Variants in MEI4 observed in about 807,000 individuals in gnomAD.
MEI4 encodes meiosis-specific protein MEI4.
Under a neutral mutation model 31.4 loss-of-function variants are expected in MEI4, and 27 were observed. That is an observed-to-expected ratio of 0.86 (90% CI 0.63 to 1.19). The LOEUF (loss-of-function observed/expected upper bound fraction) is 1.19. Ranked by LOEUF, MEI4 falls within the 50% of genes most tolerant of loss-of-function variation. The pLI, the probability that MEI4 is intolerant of heterozygous loss-of-function variation, is 0.00. For synonymous variants in MEI4, 122 were observed against 145.4 expected, an observed-to-expected ratio of 0.84 and a Z score of 1.16; for missense variants, 329 against 398.9, an observed-to-expected ratio of 0.82 and a Z score of 1.49.
chr6:77,923,071 T>C lies in MEI4; in HGVS notation c.901-18T>C. 8.1e-7 allele frequency: 1 copy of C among 1,227,474 alleles called. No individual in the cohort carries two copies. The highest frequency in any genetic ancestry group is 1.0e-6 in the Non-Finnish European group (1 of 984,278). 76.0% of individuals were successfully genotyped at this position (1,227,474 alleles called of 1,614,324 possible). On this transcript the variant is annotated intron_variant, in intron 4 of 4. Coordinates refer to ENST00000684080, the MANE Select transcript of MEI4 (RefSeq NM_001322247.2). ...ATTTATACCCAATTTTTTAAAGGAGTTTGTTGTTTATTTGTAGGAGCAAGC... is the reference window on the plus strand; with the variant it reads ...ATTTATACCCAATTTTTTAAAGGAGCTTGTTGTTTATTTGTAGGAGCAAGC...
At chr6:77,735,694 G>A (rs904144265) in intron 2 of MEI4, among the ~76,000 whole-genome samples, 1 of 152,096 alleles carries the variant, frequency 6.6e-6, no homozygotes, top group Non-Finnish European at 1.5e-5. Flanking sequence ...CGTTCCTTTG[G>A]AGGAGGAGAG....
At chr6:77,706,640 G>A (rs1327687797) in intron 2 of MEI4, among the ~76,000 whole-genome samples, 1 of 152,164 alleles carries the variant, frequency 6.6e-6, no homozygotes, top group African/African-American at 2.4e-5. Flanking sequence ...GGTGGGCCTA[G>A]TGGTAGATAT....
At chr6:77,670,754 T>A (rs1341859681) in intron 1 of MEI4, among the ~76,000 whole-genome samples, 6 of 152,128 alleles carry the variant, frequency 3.9e-5, no homozygotes, top group African/African-American at 1.4e-4. Flanking sequence ...TTGCAAACAA[T>A]CCCTTACCTT....
chr6:77,883,842 G>A (rs1771559994), intron 4 of MEI4, among the ~76,000 whole-genome samples: 1 of 150,014 alleles, frequency 6.7e-6, no homozygotes, highest in Admixed American at 6.7e-5. Flanking sequence ...GGGGGTGCAT[G>A]TGTACATTTG....
At chr6:77,791,695 A>T (rs774695765) in intron 3 of MEI4, among the ~76,000 whole-genome samples, 5 of 150,872 alleles carry the variant, frequency 3.3e-5, no homozygotes, top group Admixed American at 6.6e-5. Flanking sequence ...AAAAAAAAGA[A>T]ATATCTGTAC....
intron 1 of MEI4, among the ~76,000 whole-genome samples, chr6:77,686,074 G>C (rs1769048824): frequency 6.6e-6 from 1 of 152,024 alleles, no homozygotes; most frequent in African/African-American, 2.4e-5. Flanking sequence ...TCCCTTTCTT[G>C]CTTTTTCTTA....
At chr6:77,706,092 G>T (rs1766326694) in intron 2 of MEI4, among the ~76,000 whole-genome samples, 1 of 152,006 alleles carries the variant, frequency 6.6e-6, no homozygotes. Flanking sequence ...TCTCCCCAAG[G>T]CAGGCCATAG....
At chr6:77,870,967 G>A (rs1771176363) in intron 4 of MEI4, among the ~76,000 whole-genome samples, 1 of 152,138 alleles carries the variant, frequency 6.6e-6, no homozygotes, top group Non-Finnish European at 1.5e-5. Context: ...TTTTTTACAA[G>A]TGCCTGTGAA....
At chr6:77,920,707 T>A (rs1476483060) in intron 4 of MEI4, among the ~76,000 whole-genome samples, 1 of 151,884 alleles carries the variant, frequency 6.6e-6, no homozygotes, top group African/African-American at 2.4e-5. Context: ...TAAACAAAAA[T>A]TACTCTTGAG....
intron 1 of MEI4, among the ~76,000 whole-genome samples, chr6:77,671,508 A>C (rs191563913): frequency 5.9e-5 from 9 of 152,330 alleles, no homozygotes; most frequent in African/African-American, 1.7e-4. Flanking sequence ...ATGAAAAAAA[A>C]CCGAAGTTTA....
intron 2 of MEI4, among the ~76,000 whole-genome samples, chr6:77,702,746 T>C (rs1766251612): frequency 6.6e-6 from 1 of 152,212 alleles, no homozygotes; most frequent in Non-Finnish European, 1.5e-5. Flanking sequence ...TGGTGCTTAC[T>C]TATTTCTCCA....
At position 77,800,640 on chromosome 6, in the gene MEI4, G is replaced by C. The variant is rs535876354; in HGVS notation, c.769-28291G>C. On this transcript the variant is annotated intron_variant, in intron 3 of 4. Transcript: ENST00000684080. ...ATTGGCTGTGGGTTTCTCATAGATA[G>C]CTCTTATTATTTTGAGGTACGTCCC... is the stretch of plus-strand genomic sequence containing the variant. Among the ~76,000 whole-genome samples, 9 of 152,284 alleles carry C rather than the reference G, an allele frequency of 5.9e-5. No homozygotes were observed. In the East Asian group the frequency reaches 1.7e-3, roughly 29 times the overall value.
At chr6:77,875,263 T>C (rs1306235438) in intron 4 of MEI4, among the ~76,000 whole-genome samples, 4 of 152,240 alleles carry the variant, frequency 2.6e-5, no homozygotes, top group Admixed American at 2.6e-4. Context: ...TATCTATTTA[T>C]TTCCTATCTC....
rs370249374 is a variant in MEI4 at position 77,865,969 on chromosome 6, C to T, written c.900+36907C>T. Among the ~76,000 whole-genome samples, 102 of 151,926 alleles carry T rather than the reference C, an allele frequency of 6.7e-4. 2 individuals carry two copies. In the South Asian group the frequency reaches 0.011, roughly 16 times the overall value. On this transcript the variant is annotated intron_variant, in intron 4 of 4. Coordinates refer to ENST00000684080, the MANE Select transcript of MEI4 (RefSeq NM_001322247.2). ...TAATCCAGCATATAAACAGAACCAA[C>T]GACAAAAACCACATGATTATCTCAA...
rs930911857 is a variant in MEI4 at position 77,701,929 on chromosome 6, G to T, written c.232+11026G>T. Among the ~76,000 whole-genome samples the T allele has an allele frequency of 2.0e-5, 3 of 152,050 alleles. No homozygotes were observed. The East Asian group carries it at 5.8e-4, about 29-fold the overall frequency. Reference sequence around the variant, plus strand: ...AACCAACCCAGCCAGATGACTTTGGGAGCTTCCTGATCCTCTAGCTCACAT... The same window carrying T: ...AACCAACCCAGCCAGATGACTTTGGTAGCTTCCTGATCCTCTAGCTCACAT... On this transcript the variant is annotated intron_variant, in intron 2 of 4. Coordinates refer to ENST00000684080, the MANE Select transcript of MEI4 (RefSeq NM_001322247.2).
At chr6:77,909,088 A>C (rs1766369050) in intron 4 of MEI4, among the ~76,000 whole-genome samples, 1 of 152,146 alleles carries the variant, frequency 6.6e-6, no homozygotes, top group Non-Finnish European at 1.5e-5. Context: ...TCCAAAATTG[A>C]CCACATAGTT....
intron 2 of MEI4, among the ~76,000 whole-genome samples, chr6:77,726,357 T>TGAAAGAAG (rs1766820860): frequency 6.6e-6 from 1 of 151,688 alleles, no homozygotes; most frequent in African/African-American, 2.4e-5. Context: ...CTCTCTTGCT[T>TGAAAGAAG]TTCCCCACAG....
intron 2 of MEI4, among the ~76,000 whole-genome samples, chr6:77,720,440 A>G (rs1471952859): frequency 2.8e-5 from 2 of 71,258 alleles, no homozygotes; most frequent in Non-Finnish European, 5.3e-5. Flanking sequence ...CAGCAAAACA[A>G]GACAATAAAT....
intron 4 of MEI4, among the ~76,000 whole-genome samples, chr6:77,855,060 C>T (rs557458223): frequency 6.6e-5 from 10 of 152,060 alleles, no homozygotes; most frequent in African/African-American, 2.4e-4. Context: ...CATTTAGGTC[C>T]GGGTGTGGTG....
Sources: gnomAD v4.1 joint callset for allele counts (sites outside exome capture counted in the v4.1 genomes callset) on GRCh38, gnomAD v4.1.1 for gene constraint, MANE v1.5 for transcripts, NCBI Gene and HGNC (gene_info 2026-07-23, HGNC 2026-07-21) for gene names.